The following VWC2 variants were observed in gnomAD, a reference collection of about 807,000 sequenced individuals.
VWC2 encodes von Willebrand factor C domain containing 2, also known as brorin.
Under a neutral mutation model 29.8 loss-of-function variants are expected in VWC2, and 14 were observed. The observed-to-expected ratio is 0.47, with a 90% CI of 0.31 to 0.74. The LOEUF (loss-of-function observed/expected upper bound fraction) is 0.74, where lower values mean the gene tolerates loss of function less well. VWC2 is among the 30% of genes least tolerant of loss of function. The pLI is 0.05. For missense variants in VWC2, 457 were observed against 459.8 expected (o/e 0.99, Z 0.05); for synonymous variants, 213 against 199.0 (o/e 1.07, Z -0.59).
intron 3 of VWC2, among the ~76,000 whole-genome samples, chr7:49,877,481 A>AAAAAATATACATATATATATAT: frequency 0.011 from 135 of 12,722 alleles, 44 homozygotes; most frequent in Non-Finnish European, 0.015. Flanking sequence ...AAAAAAAAAA[A>AAAAAATATACATATATATATAT]ATATATATAT....
At chr7:49,865,406 G>A (rs1383285196) in intron 3 of VWC2, among the ~76,000 whole-genome samples, 2 of 152,182 alleles carry the variant, frequency 1.3e-5, no homozygotes, top group African/African-American at 2.4e-5. Context: ...GAATCAATTA[G>A]CTTTGGCTGT....
intron 3 of VWC2, among the ~76,000 whole-genome samples, chr7:49,845,660 C>T (rs927374884): frequency 4.0e-4 from 60 of 151,224 alleles, no homozygotes; most frequent in African/African-American, 1.2e-3. Flanking sequence ...TACCAACCTT[C>T]GGTGATACTT....
chr7:49,898,641 AT>A (rs1792527962), intron 3 of VWC2, among the ~76,000 whole-genome samples: 2 of 152,100 alleles, frequency 1.3e-5, no homozygotes, highest in Admixed American at 6.5e-5. Flanking sequence ...TATATGTAAA[AT>A]ATACATAACC....
In VWC2 at chr7:49,919,436, T is replaced by C. The variant is rs1432997408; in HGVS notation, c.*7251T>C. 5 of 152,158 alleles carry C rather than the reference T, an allele frequency of 3.3e-5. No individual in the cohort carries two copies. The highest frequency in any genetic ancestry group is 9.7e-5 in the African/African-American group (4 of 41,432). 9.4% of individuals were successfully genotyped at this position (152,158 alleles called of 1,614,324 possible). On this transcript the variant is annotated 3_prime_UTR_variant, in exon 4 of 4. Transcript: ENST00000340652. The stretch of plus-strand genomic sequence containing the variant: ...CAAAATTTTGCCATTTTCTGATACA[T>C]AGTAGCTAGCTAGTGATAAAATTAT...
chr7:49,802,473 A>AT (rs1326305026), intron 2 of VWC2, among the ~76,000 whole-genome samples: 1 of 152,122 alleles, frequency 6.6e-6, no homozygotes, highest in African/African-American at 2.4e-5. Flanking sequence ...CCCCATCTCT[A>AT]TAAAAAACAC....
At chr7:49,881,816 T>A (rs1016175640) in intron 3 of VWC2, among the ~76,000 whole-genome samples, 8 of 152,194 alleles carry the variant, frequency 5.3e-5, no homozygotes, top group African/African-American at 1.9e-4. Context: ...TTAAAATAAT[T>A]CATAACTTAT....
rs533257821 is a variant in VWC2, at chr7:49,820,098, G to A, written c.826+17258G>A. Among the ~76,000 whole-genome samples the A allele has an allele frequency of 2.6e-5, 4 of 152,048 alleles. No individual in the cohort carries two copies. In the South Asian group the frequency reaches 8.3e-4, roughly 32 times the overall value. On this transcript the variant is annotated intron_variant, in intron 3 of 3. Transcript: ENST00000340652. ...TTACTTCATTACTTTGAGAGAGATT[G>A]ACCCTCACAACCTCCCTGAAGCTCT...
chr7:49,839,633 C>A (rs1789746499), intron 3 of VWC2, among the ~76,000 whole-genome samples: 1 of 151,806 alleles, frequency 6.6e-6, no homozygotes, highest in Admixed American at 6.6e-5. Context: ...TTTTCTTTGT[C>A]TGTTGCCAGA....
At chr7:49,897,167 T>G (rs1792429977) in intron 3 of VWC2, among the ~76,000 whole-genome samples, 1 of 152,022 alleles carries the variant, frequency 6.6e-6, no homozygotes, top group African/African-American at 2.4e-5. Context: ...AGTGCTGGGA[T>G]TACAGGCGTG....
intron 2 of VWC2, among the ~76,000 whole-genome samples, chr7:49,792,583 T>G (rs1788488482): frequency 1.3e-5 from 2 of 152,198 alleles, no homozygotes; most frequent in South Asian, 4.1e-4. Context: ...CTAGAGCTGC[T>G]TCTCTTCCTG....
At chr7:49,788,292 G>T (rs1160315937) in intron 2 of VWC2, among the ~76,000 whole-genome samples, 4 of 152,218 alleles carry the variant, frequency 2.6e-5, no homozygotes, top group Non-Finnish European at 5.9e-5. Flanking sequence ...ACAGTTGGGG[G>T]TGCGAGCAGG....
At chr7:49,841,831 T>C (rs925098971) in intron 3 of VWC2, among the ~76,000 whole-genome samples, 6 of 152,224 alleles carry the variant, frequency 3.9e-5, no homozygotes, top group African/African-American at 1.2e-4. Context: ...TTATGCTTGA[T>C]AGAAAATAAC....
chr7:49,823,103 G>C (rs1583651705), intron 3 of VWC2, among the ~76,000 whole-genome samples: 1 of 152,316 alleles, frequency 6.6e-6, no homozygotes, highest in South Asian at 2.1e-4. Flanking sequence ...TGGCTGTTCT[G>C]TTGAGCATTC....
chr7:49,818,367 G>A (rs1789194755), intron 3 of VWC2, among the ~76,000 whole-genome samples: 1 of 152,178 alleles, frequency 6.6e-6, no homozygotes, highest in South Asian at 2.1e-4. Context: ...TGGGTGCACA[G>A]AAAGAACAGT....
At chr7:49,838,741 A>T (rs1789724793) in intron 3 of VWC2, among the ~76,000 whole-genome samples, 1 of 152,152 alleles carries the variant, frequency 6.6e-6, no homozygotes, top group South Asian at 2.1e-4. Flanking sequence ...AAAAGTTTCC[A>T]GGATTTTCCA....
intron 3 of VWC2, among the ~76,000 whole-genome samples, chr7:49,862,760 T>C (rs1366064697): frequency 6.6e-6 from 1 of 152,064 alleles, no homozygotes; most frequent in Non-Finnish European, 1.5e-5. Context: ...TGTTAATGTG[T>C]TGTATTATGT....
chr7:49,873,876 C>G (rs1791283922), intron 3 of VWC2, among the ~76,000 whole-genome samples: 1 of 146,256 alleles, frequency 6.8e-6, no homozygotes, highest in African/African-American at 2.6e-5. Context: ...TTTATGCCAA[C>G]ATGGAGAAAT....
At chr7:49,901,953 A>C (rs1792765847) in intron 3 of VWC2, among the ~76,000 whole-genome samples, 1 of 146,526 alleles carries the variant, frequency 6.8e-6, no homozygotes, top group Non-Finnish European at 1.5e-5. Context: ...AGTTTTTTCA[A>C]CGAATGGTAC....
intron 3 of VWC2, among the ~76,000 whole-genome samples, chr7:49,872,915 C>CAAAAAAAAAAAAAAAAAAAAA (rs61473396): frequency 3.5e-4 from 12 of 33,958 alleles, no homozygotes; most frequent in Non-Finnish European, 5.9e-4. Flanking sequence ...GACTTTGTCT[C>CAAAAAAAAAAAAAAAAAAAAA]AAAAAAAAAA....
Sources: gnomAD v4.1 joint callset for allele counts (sites outside exome capture counted in the v4.1 genomes callset) on GRCh38, gnomAD v4.1.1 for gene constraint, MANE v1.5 for transcripts, NCBI Gene and HGNC (gene_info 2026-07-23, HGNC 2026-07-21) for gene names.